CEMIP: variants seen among roughly 807,000 people sequenced by gnomAD.
CEMIP encodes cell migration inducing hyaluronidase 1.
In CEMIP, 105 loss-of-function variants were observed where a neutral mutation model predicts 156.9. That is an observed-to-expected ratio of 0.67 (90% CI 0.57 to 0.79). CEMIP has a LOEUF of 0.79. Among genes scored for constraint, CEMIP ranks in the 30% least tolerant of loss-of-function variants. The probability of loss-of-function intolerance (pLI) is 0.00; values close to 1 mark genes in which losing one functional copy is unlikely to be tolerated. For synonymous variants in CEMIP, 676 were observed against 668.4 expected, an observed-to-expected ratio of 1.01 and a Z score of -0.17; for missense variants, 1,457 against 1,769.4, an observed-to-expected ratio of 0.82 and a Z score of 3.17.
chr15:80,825,804 C>T (rs1468420211), intron 1 of CEMIP, among the ~76,000 whole-genome samples: 1 of 152,184 alleles, frequency 6.6e-6, no homozygotes, highest in African/African-American at 2.4e-5. Flanking sequence ...GAATGCTCCC[C>T]TTTCCCCAAC....
chr15:80,779,881 G>A (rs1895745951), intron 1 of CEMIP, among the ~76,000 whole-genome samples: 1 of 152,230 alleles, frequency 6.6e-6, no homozygotes, highest in Admixed American at 6.5e-5. Flanking sequence ...AGGTGCCGGG[G>A]GGCGCTGGAG....
At chr15:80,789,870 A>C (rs1896035068) in intron 1 of CEMIP, among the ~76,000 whole-genome samples, 1 of 152,252 alleles carries the variant, frequency 6.6e-6, no homozygotes. Context: ...TTTGACATAC[A>C]AAAAGATGAT....
intron 1 of CEMIP, among the ~76,000 whole-genome samples, chr15:80,782,828 G>C (rs150888225): frequency 2.9e-4 from 44 of 152,308 alleles, no homozygotes; most frequent in African/African-American, 1.0e-3. Context: ...GGAGGACATG[G>C]GGCCTTGGAT....
Position 80,906,554 on chromosome 15 carries a change from C to G in CEMIP, c.1412-109C>G. ...TGTAACATGAGACCACTGTGCACAC[C>G]AGGCATGGCGATGAGTAAGCAGCAG... On this transcript the variant is annotated intron_variant, in intron 12 of 29. Transcript: ENST00000394685. This position sits in a 1 kb window ranked among gnomAD's most constrained non-coding sequence, Gnocchi z 4.3. The G allele has an allele frequency of 9.1e-7, 1 of 1,102,820 alleles. No individual in the cohort carries two copies. The highest frequency in any genetic ancestry group is 2.1e-5 in the Admixed American group (1 of 48,768). The allele number at this position is 1,102,820 out of a possible 1,614,324, so 68.3% of individuals were successfully genotyped here.
At chr15:80,838,365 C>T (rs780973392) in intron 1 of CEMIP, among the ~76,000 whole-genome samples, 4 of 151,772 alleles carry the variant, frequency 2.6e-5, no homozygotes, top group Non-Finnish European at 4.4e-5. Flanking sequence ...GCGAGGCAGC[C>T]GTTTTCAAAT....
chr15:80,804,795 G>A (rs1596100971), intron 1 of CEMIP, among the ~76,000 whole-genome samples: 1 of 152,154 alleles, frequency 6.6e-6, no homozygotes, highest in South Asian at 2.1e-4. Flanking sequence ...GATGATAAGG[G>A]GAGACAGAGT....
chr15:80,815,260 T>C (rs1393574928), intron 1 of CEMIP, among the ~76,000 whole-genome samples: 2 of 152,248 alleles, frequency 1.3e-5, no homozygotes, highest in East Asian at 3.8e-4. Context: ...GGTTTCTTCA[T>C]CTGTAAAATG....
At chr15:80,791,786 T>C (rs1468005810) in intron 1 of CEMIP, among the ~76,000 whole-genome samples, 3 of 152,222 alleles carry the variant, frequency 2.0e-5, no homozygotes, top group African/African-American at 7.2e-5. Flanking sequence ...CATTTCTAAC[T>C]GCCTTGTTGA....
chr15:80,943,938 G>A (rs1901438462), intron 28 of CEMIP, among the ~76,000 whole-genome samples: 1 of 152,144 alleles, frequency 6.6e-6, no homozygotes, highest in Non-Finnish European at 1.5e-5. Context: ...TACCTTACAA[G>A]TCTCCCCACA....
chr15:80,784,829 G>A (rs1293601025), intron 1 of CEMIP, among the ~76,000 whole-genome samples: 1 of 152,174 alleles, frequency 6.6e-6, no homozygotes, highest in Non-Finnish European at 1.5e-5. Flanking sequence ...GCACAGAGCT[G>A]CCTTCAAGTC....
chr15:80,932,480 G>A lies in CEMIP; in HGVS notation c.2793+441G>A, dbSNP rs755540800. On this transcript the variant is annotated intron_variant, in intron 22 of 29. Transcript: ENST00000394685. This position sits in a 1 kb window ranked among gnomAD's most constrained non-coding sequence, Gnocchi z 4.5. Reference sequence around the variant, plus strand: ...TCCCCGAGAGCAGACTATAAACAGAGGCCTCCTTGCCCTAGACAGAGAAGG... The same window carrying A: ...TCCCCGAGAGCAGACTATAAACAGAAGCCTCCTTGCCCTAGACAGAGAAGG... Among the ~76,000 whole-genome samples the A allele has an allele frequency of 6.6e-6, 1 of 152,128 alleles. No homozygotes were observed. Among genetic ancestry groups the A allele is most frequent in the Non-Finnish European group, 1.5e-5 (1 of 68,026 alleles).
chr15:80,800,069 G>A (rs1225663472), intron 1 of CEMIP, among the ~76,000 whole-genome samples: 2 of 138,518 alleles, frequency 1.4e-5, no homozygotes, highest in Admixed American at 1.4e-4. Context: ...GTGTAGACGG[G>A]ATCTCATCAT....
At chr15:80,860,805 C>T (rs1051444303) in intron 1 of CEMIP, among the ~76,000 whole-genome samples, 1 of 152,152 alleles carries the variant, frequency 6.6e-6, no homozygotes, top group Non-Finnish European at 1.5e-5. Context: ...GCTGACCCCT[C>T]TGCCCTCTGA....
chr15:80,936,975 A>G, intron 24 of CEMIP, 90 bp downstream of exon 24: 2 of 1,236,098 alleles, frequency 1.6e-6, no homozygotes, highest in South Asian at 2.4e-5. Context: ...ACGAAACCAC[A>G]GGCTAGCCCA....
intron 29 of CEMIP, chr15:80,947,348 A>G: frequency 2.4e-6 from 1 of 423,900 alleles, no homozygotes; most frequent in East Asian, 4.6e-5. Context: ...GTGGCCCTTT[A>G]TTCAACAAAA....
intron 1 of CEMIP, among the ~76,000 whole-genome samples, chr15:80,804,176 G>A (rs1280342544): frequency 3.3e-5 from 5 of 152,172 alleles, no homozygotes; most frequent in African/African-American, 1.2e-4. Flanking sequence ...ACAATGCATC[G>A]GAATTATGAG....
At chr15:80,907,461 C>G (rs1010452351) in intron 13 of CEMIP, among the ~76,000 whole-genome samples, 8 of 152,138 alleles carry the variant, frequency 5.3e-5, no homozygotes, top group Non-Finnish European at 1.5e-5. Context: ...ACTTGGGAGG[C>G]TGAGACAGGA....
chr15:80,862,835 G>A (rs1440381969), intron 1 of CEMIP, among the ~76,000 whole-genome samples: 2 of 152,244 alleles, frequency 1.3e-5, no homozygotes, highest in Non-Finnish European at 2.9e-5. Context: ...GAAATACCTG[G>A]AGGAATCATG....
At chr15:80,899,899 T>C (rs1302879917) in intron 12 of CEMIP, among the ~76,000 whole-genome samples, 1 of 152,208 alleles carries the variant, frequency 6.6e-6, no homozygotes, top group Non-Finnish European at 1.5e-5. Context: ...CCCTGGACTC[T>C]TGGCAGGAGT....
Sources: gnomAD v4.1 joint callset for allele counts (sites outside exome capture counted in the v4.1 genomes callset) on GRCh38, gnomAD v4.1.1 for gene constraint, Gnocchi (gnomAD v3.1) non-coding constraint, MANE v1.5 for transcripts, NCBI Gene and HGNC (gene_info 2026-07-23, HGNC 2026-07-21) for gene names.